CENPP: variants seen among roughly 807,000 people sequenced by gnomAD.
The protein encoded by CENPP is centromere protein P.
Under a neutral mutation model 35.6 loss-of-function variants are expected in CENPP, and 24 were observed. The observed-to-expected ratio is 0.67, with a 90% confidence interval of 0.49 to 0.95. The LOEUF is 0.95. Ranked by LOEUF, CENPP falls within the 40% of genes least tolerant of loss-of-function variation. The pLI, the probability that CENPP is intolerant of heterozygous loss-of-function variation, is 0.00. For missense variants in CENPP, 332 were observed against 345.3 expected (o/e 0.96, Z 0.31); for synonymous variants, 120 against 125.5 (o/e 0.96, Z 0.29).
intron 4 of CENPP, among the ~76,000 whole-genome samples, chr9:92,352,503 G>GTA (rs1554753073): frequency 5.8e-5 from 4 of 68,968 alleles, no homozygotes; most frequent in African/African-American, 3.6e-4. Context: ...GTGTGTGTGT[G>GTA]TGTATACATA....
chr9:92,559,165 C>G (rs1184345017), intron 5 of CENPP, among the ~76,000 whole-genome samples: 1 of 152,196 alleles, frequency 6.6e-6, no homozygotes, highest in Non-Finnish European at 1.5e-5. Flanking sequence ...CAAATTGTTA[C>G]AAAGTTCGGC....
intron 5 of CENPP, among the ~76,000 whole-genome samples, chr9:92,502,008 C>T (rs926452601): frequency 6.6e-6 from 1 of 152,192 alleles, no homozygotes; most frequent in African/African-American, 2.4e-5. Flanking sequence ...GAAAAGAAGG[C>T]TGTGTAGTGT....
At chr9:92,365,264 A>G (rs1046100581) in intron 4 of CENPP, among the ~76,000 whole-genome samples, 6 of 152,070 alleles carry the variant, frequency 3.9e-5, no homozygotes, top group Admixed American at 2.0e-4. Context: ...AAATAGCTTG[A>G]CTGGGGAAGG....
intron 5 of CENPP, chr9:92,522,428 C>T: frequency 1.0e-6 from 1 of 963,356 alleles, no homozygotes; most frequent in Non-Finnish European, 1.4e-6. Flanking sequence ...GTAGATTAAA[C>T]CAAAAAGTAA....
intron 5 of CENPP, among the ~76,000 whole-genome samples, chr9:92,545,995 G>A (rs1358191157): frequency 6.6e-6 from 1 of 152,006 alleles, no homozygotes; most frequent in Non-Finnish European, 1.5e-5. Context: ...AGCACCTTGT[G>A]TCTAGCTCAG....
intron 4 of CENPP, among the ~76,000 whole-genome samples, chr9:92,375,453 C>T (rs1036974247): frequency 6.6e-5 from 10 of 151,920 alleles, no homozygotes; most frequent in South Asian, 2.1e-4. Context: ...CCACCACGCC[C>T]GGCTAATTTT....
chr9:92,536,150 G>T (rs1849151967), intron 5 of CENPP: 1 of 381,230 alleles, frequency 2.6e-6, no homozygotes, highest in African/African-American at 2.2e-5. Context: ...AAGTAACCAG[G>T]GAAAATGGTT....
chr9:92,586,042 A>G (rs1428318118), intron 5 of CENPP, among the ~76,000 whole-genome samples: 2 of 151,154 alleles, frequency 1.3e-5, no homozygotes, highest in African/African-American at 4.9e-5. Flanking sequence ...GCATCTGTAG[A>G]AATTTTTTTT....
intron 5 of CENPP, among the ~76,000 whole-genome samples, chr9:92,442,492 C>A (rs1199244258): frequency 6.6e-6 from 1 of 150,698 alleles, no homozygotes; most frequent in Non-Finnish European, 1.5e-5. Context: ...TTTGAAAAAG[C>A]CCAGTGTGAT....
intron 5 of CENPP, among the ~76,000 whole-genome samples, chr9:92,447,200 T>C (rs1215936819): frequency 2.0e-5 from 3 of 150,354 alleles, no homozygotes; most frequent in Non-Finnish European, 2.9e-5. Flanking sequence ...TTCAGTCGCA[T>C]TACATTTATT....
intron 5 of CENPP, among the ~76,000 whole-genome samples, chr9:92,482,843 G>T (rs1393264498): frequency 6.6e-6 from 1 of 151,562 alleles, no homozygotes; most frequent in Non-Finnish European, 1.5e-5. Flanking sequence ...AGATGTACCT[G>T]AGAAAGAACC....
chr9:92,619,274 T>G lies in CENPP; in HGVS notation c.*6125T>G. On this transcript the variant is annotated 3_prime_UTR_variant, in exon 8 of 8. Coordinates refer to ENST00000375587, the MANE Select transcript of CENPP (RefSeq NM_001012267.3). ...TCAATGTACTAACAATCCTTTTAAG[T>G]TATTCTCCATAAATCTGTCTTTTGA... The G allele has an allele frequency of 1.8e-6, 1 of 546,350 alleles. No homozygotes were observed. The highest frequency in any genetic ancestry group is 3.3e-6 in the Non-Finnish European group (1 of 304,184). 33.8% of individuals were successfully genotyped at this position (546,350 alleles called of 1,614,324 possible).
intron 5 of CENPP, among the ~76,000 whole-genome samples, chr9:92,439,505 G>A (rs1340871672): frequency 6.6e-6 from 1 of 152,138 alleles, no homozygotes; most frequent in East Asian, 1.9e-4. Context: ...AGCATGGGAG[G>A]CCCTGGCCAC....
intron 1 of CENPP, among the ~76,000 whole-genome samples, chr9:92,328,493 G>T (rs1286945326): frequency 1.3e-5 from 2 of 152,124 alleles, no homozygotes; most frequent in Admixed American, 1.3e-4. Flanking sequence ...AGTTTCCTCC[G>T]TGGTAAAATT....
intron 5 of CENPP, among the ~76,000 whole-genome samples, chr9:92,610,118 C>T (rs1034897126): frequency 1.3e-5 from 2 of 152,152 alleles, no homozygotes; most frequent in Non-Finnish European, 2.9e-5. Context: ...TGCAGTGGTG[C>T]GATCTCAGCT....
chr9:92,515,820 T>C (rs1451447722), intron 5 of CENPP, among the ~76,000 whole-genome samples: 1 of 152,254 alleles, frequency 6.6e-6, no homozygotes, highest in Non-Finnish European at 1.5e-5. Context: ...TCATCTTTAC[T>C]ACCTGAGACT....
chr9:92,369,383 G>A (rs1295935069), intron 4 of CENPP, among the ~76,000 whole-genome samples: 2 of 152,118 alleles, frequency 1.3e-5, no homozygotes, highest in African/African-American at 2.4e-5. Flanking sequence ...CTTGTATCTG[G>A]CCCTGGGGTG....
intron 5 of CENPP, among the ~76,000 whole-genome samples, chr9:92,466,798 G>A (rs747233256): frequency 6.6e-6 from 1 of 152,288 alleles, no homozygotes; most frequent in East Asian, 1.9e-4. Flanking sequence ...GGTTTAGATA[G>A]AAGTGCATCT....
At position 92,326,053 on chromosome 9, in the gene CENPP, C is replaced by T. The variant is rs867993053; in HGVS notation, c.55C>T (p.Arg19Trp). The T allele has an allele frequency of 6.4e-7, 1 of 1,563,920 alleles. No homozygotes were observed. Among genetic ancestry groups the T allele is most frequent in the South Asian group, 1.2e-5 (1 of 84,846 alleles). The change falls in exon 1 of 8, where the codon CGG becomes TGG. Residue 19 changes from arginine (R) to tryptophan (W), a missense_variant. Arg to Trp is a moderately radical substitution (Grantham distance 101). Coordinates refer to ENST00000375587, the MANE Select transcript of CENPP (RefSeq NM_001012267.3). ...CTTGCAAGCTGAGATCGCGGCCCTG[C>T]GGCGAGCGTGTGAGGACCCACCGGC... The part of the protein sequence containing the change: ...RALQAEIAAL[R>W]RACEDPPAPW...
Sources: allele counts gnomAD v4.1 joint callset (sites outside exome capture counted in the v4.1 genomes callset), GRCh38; gene constraint gnomAD v4.1.1; transcripts MANE v1.5; gene names NCBI Gene and HGNC (gene_info 2026-07-23, HGNC 2026-07-21).